Variants in CACNB2 observed in about 807,000 individuals in gnomAD.
CACNB2 encodes calcium voltage-gated channel auxiliary subunit beta 2, also known as voltage-dependent L-type calcium channel subunit beta-2.
Under a neutral mutation model 73.3 loss-of-function variants are expected in CACNB2, and 42 were observed. The ratio of observed to expected loss-of-function variants is 0.57; its 90% CI spans 0.45 to 0.74. The LOEUF is 0.74. Among genes scored for constraint, CACNB2 ranks in the 30% least tolerant of loss-of-function variants. CACNB2 has a pLI of 0.00. For missense variants in CACNB2, 940 were observed against 853.0 expected (o/e 1.10, Z -1.27); for synonymous variants, 348 against 310.3 (o/e 1.12, Z -1.28).
chr10:18,385,074 G>A (rs2043168485), intron 2 of CACNB2, among the ~76,000 whole-genome samples: 1 of 152,104 alleles, frequency 6.6e-6, no homozygotes. Flanking sequence ...GAGGTCAGGA[G>A]TTCGAGACCA....
chr10:18,345,440 A>T (rs1050194980), intron 2 of CACNB2, among the ~76,000 whole-genome samples: 1 of 152,178 alleles, frequency 6.6e-6, no homozygotes, highest in South Asian at 2.1e-4. Flanking sequence ...TTCTGTGCGA[A>T]TTGTTTCATT....
chr10:18,382,332 G>A (rs1335141710), intron 2 of CACNB2, among the ~76,000 whole-genome samples: 1 of 151,784 alleles, frequency 6.6e-6, no homozygotes, highest in African/African-American at 2.4e-5. Context: ...ATCTTTCTTT[G>A]TATTGAGTAT....
intron 5 of CACNB2, among the ~76,000 whole-genome samples, chr10:18,504,435 GCATTTT>G (rs2050377462): frequency 1.5e-5 from 1 of 64,624 alleles, no homozygotes; most frequent in African/African-American, 7.6e-5. Flanking sequence ...TTTTGCTCTT[GCATTTT>G]TTTCCCTTAG....
At chr10:18,476,427 T>A (rs1310402503) in intron 3 of CACNB2, among the ~76,000 whole-genome samples, 1 of 152,146 alleles carries the variant, frequency 6.6e-6, no homozygotes, top group African/African-American at 2.4e-5. Flanking sequence ...AAGAGCCCGG[T>A]TACAGAATTT....
At chr10:18,350,159 C>G (rs1397489036) in intron 2 of CACNB2, among the ~76,000 whole-genome samples, 2 of 152,072 alleles carry the variant, frequency 1.3e-5, no homozygotes, top group African/African-American at 2.4e-5. Flanking sequence ...GCAGGAGAAT[C>G]GCTTGAACCC....
intron 2 of CACNB2, among the ~76,000 whole-genome samples, chr10:18,323,691 C>G (rs940215823): frequency 6.6e-6 from 1 of 152,152 alleles, no homozygotes; most frequent in Admixed American, 6.5e-5. Flanking sequence ...AGTCTCAATA[C>G]TGGAAAATTC....
At chr10:18,296,102 T>A (rs2039273606) in intron 2 of CACNB2, among the ~76,000 whole-genome samples, 1 of 150,464 alleles carries the variant, frequency 6.6e-6, no homozygotes, top group Non-Finnish European at 1.5e-5. Context: ...TTATCAGAGA[T>A]CTATCTCTTG....
chr10:18,370,949 A>C (rs1380343645), intron 2 of CACNB2, among the ~76,000 whole-genome samples: 3 of 152,164 alleles, frequency 2.0e-5, no homozygotes, highest in Non-Finnish European at 4.4e-5. Flanking sequence ...TCTTACCTAA[A>C]TATTTTACGT....
At chr10:18,324,001 C>A (rs1451454456) in intron 2 of CACNB2, among the ~76,000 whole-genome samples, 1 of 152,114 alleles carries the variant, frequency 6.6e-6, no homozygotes, top group Non-Finnish European at 1.5e-5. Context: ...AAACATTACA[C>A]AAAATGATAG....
At position 18,541,990 on chromosome 10, in the gene CACNB2, T is replaced by C. The variant is rs183022476; in HGVS notation, c.*2266T>C. 1 of 152,268 alleles carries C rather than the reference T, an allele frequency of 6.6e-6. No individual in the cohort carries two copies. The highest frequency in any genetic ancestry group is 1.5e-5 in the Non-Finnish European group (1 of 68,028). 9.4% of individuals were successfully genotyped at this position (152,268 alleles called of 1,614,324 possible). On this transcript the variant is annotated 3_prime_UTR_variant, in exon 14 of 14. Transcript: ENST00000324631. ...TTAGCCTTTTATAAGTAAAACTGTT[T>C]TACATTTAACTCCTTATTTCCCTTA...
At chr10:18,240,413 G>C (rs185169465) in intron 2 of CACNB2, among the ~76,000 whole-genome samples, 12 of 152,276 alleles carry the variant, frequency 7.9e-5, no homozygotes, top group African/African-American at 2.9e-4. Context: ...CTCAAAACTA[G>C]TCTGGCTCAA....
chr10:18,481,232 T>TATA (rs2048751915), intron 3 of CACNB2, among the ~76,000 whole-genome samples: 6 of 18,900 alleles, frequency 3.2e-4, no homozygotes, highest in East Asian at 3.1e-3. Flanking sequence ...ATATATATAT[T>TATA]TTTTTTTTTT....
intron 6 of CACNB2, among the ~76,000 whole-genome samples, chr10:18,510,154 G>A (rs1262765519): frequency 6.6e-6 from 1 of 152,156 alleles, no homozygotes; most frequent in Non-Finnish European, 1.5e-5. Context: ...TTAACCAAAT[G>A]TCAGAACTAG....
chr10:18,426,955 A>ATTTTTTTT (rs551543429), intron 3 of CACNB2, among the ~76,000 whole-genome samples: 3,237 of 81,432 alleles, frequency 0.04, 327 homozygotes, highest in African/African-American at 0.074. Flanking sequence ...CCTTTTCTAC[A>ATTTTTTTT]TTTTTTTTTT....
intron 2 of CACNB2, among the ~76,000 whole-genome samples, chr10:18,320,608 T>C (rs984577278): frequency 6.6e-5 from 10 of 152,204 alleles, no homozygotes; most frequent in Non-Finnish European, 1.5e-5. Flanking sequence ...ACTGTGATCT[T>C]GGGCCAGTTA....
At position 18,538,060 on chromosome 10, in the gene CACNB2, T is replaced by C. The variant is rs1033641285; in HGVS notation, c.1303-120T>C. 15 of 912,432 alleles carry C rather than the reference T, an allele frequency of 1.6e-5. 1 individual carries two copies. Among genetic ancestry groups the C allele is most frequent in the Non-Finnish European group, 2.4e-5 (13 of 548,864 alleles). 56.5% of individuals were successfully genotyped at this position (912,432 alleles called of 1,614,324 possible). A position where few individuals can be genotyped will look rare whatever the true frequency, so the allele number is the denominator to read the frequency against. On this transcript the variant is annotated intron_variant, in intron 12 of 13. Transcript: ENST00000324631. ...AAAAGGGAGATAGTAGCAGCACTTATAGAAGCAGGAGCAAGTACAAAGGGG... is the reference window on the plus strand; with the variant it reads ...AAAAGGGAGATAGTAGCAGCACTTACAGAAGCAGGAGCAAGTACAAAGGGG...
intron 2 of CACNB2, among the ~76,000 whole-genome samples, chr10:18,338,110 G>A (rs1314758634): frequency 6.6e-6 from 1 of 152,152 alleles, no homozygotes; most frequent in Admixed American, 6.6e-5. Flanking sequence ...AGAGGAAATA[G>A]TTATCCAAAT....
At chr10:18,506,907 C>T (rs1014327889) in intron 6 of CACNB2, among the ~76,000 whole-genome samples, 1 of 152,138 alleles carries the variant, frequency 6.6e-6, no homozygotes, top group Admixed American at 6.5e-5. Flanking sequence ...CAAGTGATCC[C>T]CCCACCTCCG....
At position 18,539,227 on chromosome 10, in the gene CACNB2, C is replaced by A; in HGVS notation, c.1489-3C>A. Reference sequence around the variant, plus strand: ...ACGCCTGGTGTGCTCCTTTCGCTGCCAGGGTTCTCAAGGTGATCAGAGGAC... The same window carrying A: ...ACGCCTGGTGTGCTCCTTTCGCTGCAAGGGTTCTCAAGGTGATCAGAGGAC... On this transcript the variant is annotated splice_polypyrimidine_tract_variant and splice_region_variant and intron_variant, in intron 13 of 13. Coordinates refer to ENST00000324631, the MANE Select transcript of CACNB2 (RefSeq NM_201596.3). 1.2e-6 allele frequency: 2 copies of A among 1,614,028 alleles called. No homozygotes were observed. Among genetic ancestry groups the A allele is most frequent in the Non-Finnish European group, 1.7e-6 (2 of 1,179,992 alleles).
Sources: gnomAD v4.1 joint callset for allele counts (sites outside exome capture counted in the v4.1 genomes callset) on GRCh38, gnomAD v4.1.1 for gene constraint, MANE v1.5 for transcripts, NCBI Gene and HGNC (gene_info 2026-07-23, HGNC 2026-07-21) for gene names.